Variants in APBA1 observed in about 807,000 individuals in gnomAD.
The protein encoded by APBA1 is amyloid beta precursor protein binding family A member 1, also known as amyloid-beta A4 precursor protein-binding family A member 1.
A neutral mutation model predicts 86.6 loss-of-function variants in APBA1; 55 were observed. That is an observed-to-expected ratio of 0.64 (90% CI 0.51 to 0.80). The LOEUF (loss-of-function observed/expected upper bound fraction) is 0.80. APBA1 is among the 30% of genes least tolerant of loss of function. The pLI is 0.00. For missense variants in APBA1, 1,090 were observed against 1,183.0 expected (o/e 0.92, Z 1.15); for synonymous variants, 511 against 493.9 (o/e 1.03, Z -0.46).
chr9:69,431,863 T>G (rs1172416711), intron 12 of APBA1, among the ~76,000 whole-genome samples: 1 of 152,196 alleles, frequency 6.6e-6, no homozygotes, highest in East Asian at 1.9e-4. Flanking sequence ...CAGTGTTGAC[T>G]GACAGCAGTG....
At chr9:69,592,820 A>G (rs1588382762) in intron 1 of APBA1, among the ~76,000 whole-genome samples, 1 of 152,198 alleles carries the variant, frequency 6.6e-6, no homozygotes, top group Non-Finnish European at 1.5e-5. Flanking sequence ...CAAACAAACA[A>G]AAAAAGAAGT....
intron 1 of APBA1, among the ~76,000 whole-genome samples, chr9:69,667,312 T>G (rs191520756): frequency 6.6e-6 from 1 of 152,278 alleles, no homozygotes; most frequent in East Asian, 1.9e-4. Flanking sequence ...ACTCCAATTA[T>G]ATAGCGTTAA....
Position 69,441,081 on chromosome 9 carries a change from A to G in APBA1, c.2216T>C (p.Ile739Thr). The change falls in exon 11 of 13, where the codon ATC becomes ACC. Residue 739 changes from isoleucine to threonine, a missense_variant. By Grantham distance (89) the Ile-to-Thr change is moderately conservative. This residue lies in a region of APBA1 where 119 missense variants were observed against 124.8 expected (regional missense o/e 0.95). Transcript: ENST00000265381. ...GGTGGTCACCGGAGGACATCTCACGATATTCAGCTTGACTCGGGACTGATT... is the reference window on the plus strand; with the variant it reads ...GGTGGTCACCGGAGGACATCTCACGGTATTCAGCTTGACTCGGGACTGATT... The part of the protein sequence containing the change: ...LKNQSRVKLN[I>T]VRCPPVTTVL... 2 of 1,614,096 alleles carry G rather than the reference A, an allele frequency of 1.2e-6. No homozygotes were observed. Among genetic ancestry groups the G allele is most frequent in the Non-Finnish European group, 1.7e-6 (2 of 1,180,028 alleles).
chr9:69,668,521 T>C (rs142559090), intron 1 of APBA1, among the ~76,000 whole-genome samples: 16 of 152,172 alleles, frequency 1.1e-4, no homozygotes, highest in Non-Finnish European at 2.2e-4. Context: ...CCTTTTCCCA[T>C]GTCATTCCAT....
intron 1 of APBA1, among the ~76,000 whole-genome samples, chr9:69,573,749 G>C (rs1837152539): frequency 6.6e-6 from 1 of 152,206 alleles, no homozygotes; most frequent in Admixed American, 6.5e-5. Context: ...CCCTGGTGAT[G>C]CACACATATT....
intron 11 of APBA1, among the ~76,000 whole-genome samples, chr9:69,439,318 T>TTG (rs1834764078): frequency 6.7e-6 from 1 of 148,666 alleles, no homozygotes; most frequent in Non-Finnish European, 1.5e-5. Context: ...AATTTGAATG[T>TTG]TGGTCTGCCT....
intron 1 of APBA1, among the ~76,000 whole-genome samples, chr9:69,663,105 A>G (rs1476724780): frequency 6.6e-6 from 1 of 152,256 alleles, no homozygotes; most frequent in Admixed American, 6.5e-5. Flanking sequence ...AGTGTTTTCT[A>G]AACTGCATAT....
At chr9:69,541,095 T>C (rs988065734) in intron 1 of APBA1, among the ~76,000 whole-genome samples, 4 of 152,248 alleles carry the variant, frequency 2.6e-5, no homozygotes, top group Non-Finnish European at 5.9e-5. Context: ...CATCTATTAA[T>C]GGACATTTAG....
chr9:69,456,100 C>T (rs546412752), intron 8 of APBA1, 147 bp downstream of exon 8: 12 of 909,418 alleles, frequency 1.3e-5, no homozygotes, highest in Non-Finnish European at 2.1e-5. Context: ...TTTTACTCAG[C>T]CTTATATCTC....
In APBA1 at chr9:69,457,189, C is replaced by A. The variant is rs746339780; in HGVS notation, c.1516-50G>T. On this transcript the variant is annotated intron_variant, in intron 6 of 12. Transcript: ENST00000265381. ...GAAAGTTTGACCACACTACCCTGAC[C>A]CAGATGCAGAAGGAGTAAGGTTAGC... 1.3e-5 allele frequency: 19 copies of A among 1,424,432 alleles called. No homozygotes were observed. In the South Asian group the frequency reaches 2.0e-4, roughly 15 times the overall value. 88.2% of individuals were successfully genotyped at this position (1,424,432 alleles called of 1,614,324 possible). A position where few individuals can be genotyped will look rare whatever the true frequency, so the allele number is the denominator to read the frequency against.
intron 2 of APBA1, among the ~76,000 whole-genome samples, chr9:69,491,087 C>G (rs1003236643): frequency 6.6e-6 from 1 of 152,108 alleles, no homozygotes; most frequent in Non-Finnish European, 1.5e-5. Context: ...CCATTTGACC[C>G]AGCCATCCCA....
chr9:69,598,131 G>T (rs1302894619), intron 1 of APBA1, among the ~76,000 whole-genome samples: 4 of 152,022 alleles, frequency 2.6e-5, no homozygotes, highest in Non-Finnish European at 4.4e-5. Flanking sequence ...CATGTCCTTT[G>T]TAGGGACATG....
intron 2 of APBA1, among the ~76,000 whole-genome samples, chr9:69,498,902 T>C (rs926507426): frequency 2.0e-5 from 3 of 152,120 alleles, no homozygotes; most frequent in East Asian, 1.9e-4. Flanking sequence ...TCACTTTGCA[T>C]GGCAGACGGT....
intron 3 of APBA1, among the ~76,000 whole-genome samples, chr9:69,472,925 G>A (rs1835387796): frequency 6.6e-6 from 1 of 152,132 alleles, no homozygotes; most frequent in African/African-American, 2.4e-5. Context: ...TGAAAAATTG[G>A]GGCAGTTGAA....
intron 1 of APBA1, among the ~76,000 whole-genome samples, chr9:69,655,691 G>A (rs1823594961): frequency 6.6e-6 from 1 of 151,832 alleles, no homozygotes; most frequent in East Asian, 1.9e-4. Context: ...AACACCCATG[G>A]CATTCTTCAC....
At chr9:69,511,744 TA>T (rs1393857296) in intron 2 of APBA1, among the ~76,000 whole-genome samples, 1 of 151,676 alleles carries the variant, frequency 6.6e-6, no homozygotes, top group Non-Finnish European at 1.5e-5. Flanking sequence ...TATGCAGCCA[TA>T]AAAAATGATG....
chr9:69,632,971 C>T (rs79868315), intron 1 of APBA1, among the ~76,000 whole-genome samples: 9 of 151,812 alleles, frequency 5.9e-5, no homozygotes, highest in South Asian at 2.1e-4. Context: ...TCCTCTAGCT[C>T]CCCCCCTGCT....
chr9:69,616,579 A>G (rs1283856806), intron 1 of APBA1, among the ~76,000 whole-genome samples: 1 of 152,228 alleles, frequency 6.6e-6, no homozygotes, highest in African/African-American at 2.4e-5. Context: ...GCACTTTGAA[A>G]TGAGAGCTAA....
chr9:69,545,996 T>C (rs535755545), intron 1 of APBA1, among the ~76,000 whole-genome samples: 1 of 152,318 alleles, frequency 6.6e-6, no homozygotes, highest in East Asian at 1.9e-4. Context: ...TTTTTATTTT[T>C]CATAAGTTTA....
Sources: gnomAD v4.1 joint callset for allele counts (sites outside exome capture counted in the v4.1 genomes callset) on GRCh38, gnomAD v4.1.1 for gene constraint, gnomAD v4.1.1 regional missense constraint, MANE v1.5 for transcripts, NCBI Gene and HGNC (gene_info 2026-07-23, HGNC 2026-07-21) for gene names.